MBD4: variants seen among roughly 807,000 people sequenced by gnomAD.
The protein encoded by MBD4 is methyl-CpG binding domain 4, DNA glycosylase, also known as methyl-CpG-binding domain protein 4.
MBD4 carries 53 observed loss-of-function variants against 60.2 expected under a neutral mutation model. The ratio of observed to expected loss-of-function variants is 0.88; its 90% CI spans 0.71 to 1.11. MBD4 has a LOEUF of 1.11. Among genes scored for constraint, MBD4 ranks in the 50% least tolerant of loss-of-function variants. The probability of loss-of-function intolerance (pLI) is 0.00; values close to 1 mark genes in which losing one functional copy is unlikely to be tolerated. For missense variants in MBD4, 619 were observed against 674.0 expected (o/e 0.92, Z 0.90); for synonymous variants, 231 against 229.8 (o/e 1.01, Z -0.05).
rs779726490 is a variant in MBD4, at chr3:129,439,880, G to T, written c.-47C>A. On this transcript the variant is annotated 5_prime_UTR_variant, in exon 1 of 8. The change creates a new upstream start codon in the 5' untranslated region. Coordinates refer to ENST00000429544, the MANE Select transcript of MBD4 (RefSeq NM_001276270.2). ...AACGAGCCCAGCGCCGCAACGCCCA[G>T]GGTGTGGGGCGGAGTAAGATGTGAA... 3.1e-6 allele frequency: 4 copies of T among 1,306,566 alleles called. No homozygotes were observed. Among genetic ancestry groups the T allele is most frequent in the African/African-American group, 1.4e-5 (1 of 69,356 alleles). The allele number at this position is 1,306,566 out of a possible 1,614,324, so 80.9% of individuals were successfully genotyped here. A position where few individuals can be genotyped will look rare whatever the true frequency, so the allele number is the denominator to read the frequency against.
At chr3:129,437,621 T>C (rs1476982351) in intron 2 of MBD4, 99 bp downstream of exon 2, 10 of 858,822 alleles carry the variant, frequency 1.2e-5, no homozygotes, top group Admixed American at 4.1e-5. Context: ...AATGGTTTTA[T>C]GGTAAAAATA....
In MBD4 at chr3:129,431,400, A is replaced by T; in HGVS notation, c.*101T>A. 1.1e-6 allele frequency: 1 copy of T among 916,258 alleles called. No individual in the cohort carries two copies. Among genetic ancestry groups the T allele is most frequent in the Non-Finnish European group, 1.8e-6 (1 of 555,954 alleles). 56.8% of individuals were successfully genotyped at this position (916,258 alleles called of 1,614,324 possible). A position where few individuals can be genotyped will look rare whatever the true frequency, so the allele number is the denominator to read the frequency against. On this transcript the variant is annotated 3_prime_UTR_variant, in exon 8 of 8. Transcript: ENST00000429544. ...CACACACTAGGCTTCTAGTTGGGCT[A>T]ATTAAAATCTCTATGGCTGGAAAGG... is the stretch of plus-strand genomic sequence containing the variant.
Position 129,433,176 on chromosome 3 carries a change from C to G in MBD4, c.1465G>C (p.Asp489His). Residue 489 changes from aspartate to histidine, a missense_variant, in exon 6 of 8, where the codon GAC becomes CAC. Transcript: ENST00000429544. The stretch of plus-strand genomic sequence containing the variant: ...AGAAGTTCTGACACATCTCTCCAGT[C>G]TGCGGTTCTTGCTACCTCAGCTGAA... ...YPSAEVARTA[D>H]WRDVSELLKP... is the part of the protein sequence containing the mutation. 1.2e-6 allele frequency: 2 copies of G among 1,614,184 alleles called. No individual in the cohort carries two copies. The highest frequency in any genetic ancestry group is 1.7e-6 in the Non-Finnish European group (2 of 1,180,020).
At chr3:129,437,490 A>G (rs2072488945) in intron 2 of MBD4, among the ~76,000 whole-genome samples, 182 bp from the exon 3 acceptor site, 1 of 152,250 alleles carries the variant, frequency 6.6e-6, no homozygotes, top group African/African-American at 2.4e-5. Context: ...ATATAAATTT[A>G]TAAATATAAC....
Position 129,431,005 on chromosome 3 carries a change from GTCTC to G in MBD4, c.*492_*495del, listed in dbSNP as rs2072333651. 1 of 154,300 alleles carries G rather than the reference GTCTC, an allele frequency of 6.5e-6. No homozygotes were observed. The highest frequency in any genetic ancestry group is 2.4e-5 in the African/African-American group (1 of 41,306). 9.6% of individuals were successfully genotyped at this position (154,300 alleles called of 1,614,324 possible). Reference sequence around the variant, plus strand: ...TTAAATATATATTTTTTGAGACAGGGTCTCTCTCTGTCATCCAGACTGGAGTGCA... The same window carrying G: ...TTAAATATATATTTTTTGAGACAGGGTCTCTGTCATCCAGACTGGAGTGCA... On this transcript the variant is annotated 3_prime_UTR_variant, in exon 8 of 8. Transcript: ENST00000429544.
chr3:129,435,224 G>C (rs2072435106), intron 3 of MBD4, among the ~76,000 whole-genome samples: 1 of 149,324 alleles, frequency 6.7e-6, no homozygotes, highest in South Asian at 2.1e-4. Flanking sequence ...GCCCAGTAGA[G>C]AGTAAAAAAA....
intron 7 of MBD4, chr3:129,432,085 T>C (rs1238240464): frequency 1.5e-5 from 14 of 909,734 alleles, no homozygotes; most frequent in Admixed American, 4.6e-5. Context: ...TCAACAGGGC[T>C]GAAGCAGGAC....
rs757487617 is a variant in MBD4, at chr3:129,437,294, T to G, written c.350A>C (p.Lys117Thr). ...AGCAAGTGAACTTTTGGATCTGAAC[T>G]TCAGTCCTTGTGGGCTAGAAAATGA... Reference protein sequence around the residue: ...DVYFISPQGLKFRSKSSLANY... With the variant: ...DVYFISPQGLTFRSKSSLANY... The change falls in exon 3 of 8, where the codon AAG becomes ACG. Residue 117 changes from lysine to threonine, a missense_variant. Transcript: ENST00000429544. The G allele has an allele frequency of 6.2e-7, 1 of 1,606,558 alleles. No homozygotes were observed.
intron 7 of MBD4, chr3:129,432,039 C>T: frequency 3.0e-6 from 2 of 659,036 alleles, no homozygotes; most frequent in Non-Finnish European, 4.2e-6. Flanking sequence ...CACCAGCTGC[C>T]AGGATGACCA....
At chr3:129,433,803 C>T (rs2107750941) in intron 5 of MBD4, 47 bp downstream of exon 5, 1 of 1,612,724 alleles carries the variant, frequency 6.2e-7, no homozygotes, top group South Asian at 1.1e-5. Context: ...TGCTTTCTCC[C>T]TACCACACTG....
At position 129,432,181 on chromosome 3, in the gene MBD4, G is replaced by A; in HGVS notation, c.1647+322C>T. On this transcript the variant is annotated intron_variant, in intron 7 of 7. Transcript: ENST00000429544. ...GCCCAAACCTTCCTGCTTTCCTGTA[G>A]TGGTGTACTTTTGACAGGAGGAAAA... 6.5e-6 allele frequency: 9 copies of A among 1,376,512 alleles called. No individual in the cohort carries two copies. In the South Asian group the frequency reaches 1.4e-4, roughly 21 times the overall value. 85.3% of individuals were successfully genotyped at this position (1,376,512 alleles called of 1,614,324 possible). A position where few individuals can be genotyped will look rare whatever the true frequency, so the allele number is the denominator to read the frequency against.
At position 129,437,160 on chromosome 3, in the gene MBD4, C is replaced by T; in HGVS notation, c.484G>A (p.Ala162Thr). 2 of 1,614,062 alleles carry T rather than the reference C, an allele frequency of 1.2e-6. No individual in the cohort carries two copies. The highest frequency in any genetic ancestry group is 1.7e-6 in the Non-Finnish European group (2 of 1,179,966). The stretch of plus-strand genomic sequence containing the variant: ...TGGTTTTGTAGATGGGATGTCAGGG[C>T]TGCCATGCTGCAGTCTTTATATCTT... ...KSRYKDCSMA[A>T]LTSHLQNQSN... is the part of the protein sequence containing the mutation. Residue 162 changes from alanine to threonine, a missense_variant, in exon 3 of 8, where the codon GCC becomes ACC. Coordinates refer to ENST00000429544, the MANE Select transcript of MBD4 (RefSeq NM_001276270.2).
rs866885944 is a variant in MBD4, at chr3:129,431,545, G to A, written c.1681C>T (p.His561Tyr). ...HPEDHKLNKY[H>Y]DWLWENHEKL... Reference sequence around the variant, plus strand: ...TCATGATTTTCCCAAAGCCAGTCATGATATTTATTTAATTTGTGGTCTTCA... The same window carrying A: ...TCATGATTTTCCCAAAGCCAGTCATAATATTTATTTAATTTGTGGTCTTCA... Residue 561 changes from histidine to tyrosine, a missense_variant, in exon 8 of 8, where the codon CAT becomes TAT. Coordinates refer to ENST00000429544, the MANE Select transcript of MBD4 (RefSeq NM_001276270.2). 1.9e-6 allele frequency: 3 copies of A among 1,613,134 alleles called. No individual in the cohort carries two copies. The highest frequency in any genetic ancestry group is 2.5e-6 in the Non-Finnish European group (3 of 1,179,844).
chr3:129,435,209 G>A (rs2072434554), intron 3 of MBD4, among the ~76,000 whole-genome samples: 1 of 151,474 alleles, frequency 6.6e-6, no homozygotes, highest in South Asian at 2.1e-4. Flanking sequence ...GTTTGAGTAG[G>A]TAAAGCCCAG....
At chr3:129,436,347 T>C in intron 3 of MBD4, 114 bp downstream of exon 3, 1 of 1,336,808 alleles carries the variant, frequency 7.5e-7, no homozygotes. Context: ...TTGGCTCTAT[T>C]TTCACATCTT....
chr3:129,433,046 C>T, intron 6 of MBD4, 52 bp downstream of exon 6: 1 of 1,605,756 alleles, frequency 6.2e-7, no homozygotes, highest in Non-Finnish European at 8.5e-7. Flanking sequence ...GTGTGGCTCT[C>T]TTAAATAAGC....
In MBD4 at chr3:129,436,473, T is replaced by C. The variant is rs769502952; in HGVS notation, c.1171A>G (p.Lys391Glu). 35 of 1,613,980 alleles carry C rather than the reference T, an allele frequency of 2.2e-5. No homozygotes were observed. The highest frequency in any genetic ancestry group is 2.8e-5 in the Non-Finnish European group (33 of 1,179,984). Residue 391 changes from lysine to glutamate, a missense_variant, in exon 3 of 8, where the codon AAA becomes GAA. Transcript: ENST00000429544. The part of the protein sequence containing the change: ...EMDNNCSPTR[K>E]DFTEDTIPRT... ...AATATTTTCTCACCAGTGAAGTCTT[T>C]CCTGGTTGGTGAGCAGTTGTTGTCC...
At chr3:129,432,954 A>T in intron 6 of MBD4, 144 bp downstream of exon 6, 1 of 1,065,710 alleles carries the variant, frequency 9.4e-7, no homozygotes, top group Non-Finnish European at 1.4e-6. Context: ...TGGTTTGGGG[A>T]AAGTGGACTT....
In MBD4 at chr3:129,432,591, T is replaced by C. The variant is rs1218949461; in HGVS notation, c.1559A>G (p.Lys520Arg). 2 of 1,614,186 alleles carry C rather than the reference T, an allele frequency of 1.2e-6. No individual in the cohort carries two copies. Among genetic ancestry groups the C allele is most frequent in the South Asian group, 2.2e-5 (2 of 91,078 alleles). Residue 520 changes from lysine (K) to arginine (R), a missense_variant, in exon 7 of 8, where the codon AAG becomes AGG. Lys to Arg is a conservative substitution (Grantham distance 26). Coordinates refer to ENST00000429544, the MANE Select transcript of MBD4 (RefSeq NM_001276270.2). ...AAGCTCAATTGGATACTTCCACTGC[T>C]TTGTCAGGTATTCATCTGAAGAATA... ...IVKFSDEYLT[K>R]QWKYPIELHG...
Sources: allele counts gnomAD v4.1 joint callset (sites outside exome capture counted in the v4.1 genomes callset), GRCh38; gene constraint gnomAD v4.1.1; transcripts MANE v1.5; gene names NCBI Gene and HGNC (gene_info 2026-07-23, HGNC 2026-07-21).